BCHE: variants seen among roughly 807,000 people sequenced by gnomAD.
The protein encoded by BCHE is cholinesterase.
BCHE carries 48 observed loss-of-function variants against 51.3 expected under a neutral mutation model. The ratio of observed to expected loss-of-function variants is 0.94; its 90% CI spans 0.74 to 1.19. The LOEUF is 1.19. Among genes scored for constraint, BCHE ranks in the 50% most tolerant of loss-of-function variants. BCHE has a pLI of 0.00. For synonymous variants in BCHE, 251 were observed against 238.0 expected, an observed-to-expected ratio of 1.05 and a Z score of -0.50; for missense variants, 847 against 708.2, an observed-to-expected ratio of 1.20 and a Z score of -2.23.
intron 3 of BCHE, among the ~76,000 whole-genome samples, chr3:165,785,084 T>A (rs1213504603): frequency 6.6e-6 from 1 of 151,772 alleles, no homozygotes; most frequent in Non-Finnish European, 1.5e-5. Context: ...TAATTATAAT[T>A]TTTGTGAGTA....
At chr3:165,804,842 A>G (rs771778071) in intron 2 of BCHE, among the ~76,000 whole-genome samples, 9 of 152,230 alleles carry the variant, frequency 5.9e-5, no homozygotes, top group African/African-American at 9.6e-5. Context: ...GTTTATATCC[A>G]GACACATTAA....
At chr3:165,800,383 C>A (rs1284923734) in intron 2 of BCHE, among the ~76,000 whole-genome samples, 1 of 151,948 alleles carries the variant, frequency 6.6e-6, no homozygotes, top group African/African-American at 2.4e-5. Flanking sequence ...GCATTCAGGC[C>A]CTACTAGAAT....
chr3:165,800,310 A>G (rs1713588219), intron 2 of BCHE, among the ~76,000 whole-genome samples: 1 of 152,136 alleles, frequency 6.6e-6, no homozygotes, highest in Admixed American at 6.5e-5. Flanking sequence ...CACAATCTGG[A>G]CAAGGTCATT....
chr3:165,801,914 T>TG lies in BCHE; in HGVS notation c.1518-15604dup, dbSNP rs199524511. 1.4e-4 allele frequency among the ~76,000 whole-genome samples: 22 copies of TG among 152,316 alleles called. No homozygotes were observed. In the East Asian group the frequency reaches 4.3e-3, roughly 29 times the overall value. Reference sequence around the variant, plus strand: ...CATTCTTTCATCCACAATATCTTGCTGGGGTCTAGTCATAATATTACACAC... The same window carrying TG: ...CATTCTTTCATCCACAATATCTTGCTGGGGGTCTAGTCATAATATTACACAC... On this transcript the variant is annotated intron_variant, in intron 2 of 3. Transcript: ENST00000264381.
At chr3:165,805,299 G>T (rs969352379) in intron 2 of BCHE, among the ~76,000 whole-genome samples, 1 of 152,274 alleles carries the variant, frequency 6.6e-6, no homozygotes, top group African/African-American at 2.4e-5. Flanking sequence ...TTCACGATCA[G>T]TCAGGCATCA....
chr3:165,821,208 C>G (rs1210772113), intron 2 of BCHE, among the ~76,000 whole-genome samples: 1 of 151,432 alleles, frequency 6.6e-6, no homozygotes, highest in African/African-American at 2.4e-5. Flanking sequence ...TGGTAAAGTT[C>G]TATAATATTT....
At chr3:165,808,107 C>T (rs1477900744) in intron 2 of BCHE, among the ~76,000 whole-genome samples, 1 of 152,004 alleles carries the variant, frequency 6.6e-6, no homozygotes, top group African/African-American at 2.4e-5. Flanking sequence ...TCTCAGCCTC[C>T]CGAGTAGCTG....
chr3:165,803,653 A>T (rs113409312), intron 2 of BCHE, among the ~76,000 whole-genome samples: 8,051 of 152,280 alleles, frequency 0.053, 283 homozygotes, highest in Non-Finnish European at 0.079. Flanking sequence ...AGTTGACAGA[A>T]TTTACTGATT....
chr3:165,779,266 A>T (rs1712590622), intron 3 of BCHE, among the ~76,000 whole-genome samples: 1 of 152,190 alleles, frequency 6.6e-6, no homozygotes, highest in Non-Finnish European at 1.5e-5. Context: ...TATTGATGGA[A>T]CATATCTCAA....
intron 2 of BCHE, among the ~76,000 whole-genome samples, chr3:165,798,480 A>G (rs1713509242): frequency 6.6e-6 from 1 of 152,174 alleles, no homozygotes; most frequent in South Asian, 2.1e-4. Flanking sequence ...AACATTCACT[A>G]TAATTCTTTG....
intron 3 of BCHE, among the ~76,000 whole-genome samples, chr3:165,784,386 A>C (rs1176881760): frequency 6.6e-6 from 1 of 151,972 alleles, no homozygotes; most frequent in Non-Finnish European, 1.5e-5. Flanking sequence ...CATTTACTTC[A>C]AAATTATAAA....
At chr3:165,799,451 G>A (rs554006457) in intron 2 of BCHE, among the ~76,000 whole-genome samples, 2 of 152,128 alleles carry the variant, frequency 1.3e-5, no homozygotes, top group East Asian at 3.9e-4. Context: ...AATGAATTTA[G>A]TGAAGCTAAA....
In BCHE at chr3:165,773,283, A is replaced by G; in HGVS notation, c.*99T>C. 1.7e-6 allele frequency: 2 copies of G among 1,172,348 alleles called. No individual in the cohort carries two copies. Among genetic ancestry groups the G allele is most frequent in the Non-Finnish European group, 2.4e-6 (2 of 820,180 alleles). The allele number at this position is 1,172,348 out of a possible 1,614,324, so 72.6% of individuals were successfully genotyped here. A position where few individuals can be genotyped will look rare whatever the true frequency, so the allele number is the denominator to read the frequency against. On this transcript the variant is annotated 3_prime_UTR_variant, in exon 4 of 4. Transcript: ENST00000264381. ...ATTATCCTTCTGGCATTTTTGTTTC[A>G]GCTACATAATAACTTTTTTAGTAGG... is the stretch of plus-strand genomic sequence containing the variant.
chr3:165,780,839 G>T (rs1712668452), intron 3 of BCHE, among the ~76,000 whole-genome samples: 1 of 152,140 alleles, frequency 6.6e-6, no homozygotes, highest in South Asian at 2.1e-4. Context: ...CAACCATTGT[G>T]GAAGACAGTG....
chr3:165,806,969 CA>C (rs769117948), intron 2 of BCHE, among the ~76,000 whole-genome samples: 4 of 152,044 alleles, frequency 2.6e-5, no homozygotes, highest in Non-Finnish European at 4.4e-5. Context: ...TAAATAAATA[CA>C]ATCAAAATCT....
chr3:165,783,326 CTT>C (rs772303780), intron 3 of BCHE, among the ~76,000 whole-genome samples: 3 of 152,034 alleles, frequency 2.0e-5, no homozygotes, highest in Non-Finnish European at 4.4e-5. Flanking sequence ...TTTGTGAAGA[CTT>C]CATGTAGTTT....
At chr3:165,778,449 C>A (rs1230989976) in intron 3 of BCHE, 1 of 207,376 alleles carries the variant, frequency 4.8e-6, no homozygotes, top group Non-Finnish European at 1.1e-5. Context: ...AATCAATAAC[C>A]AGAACATATC....
chr3:165,809,849 G>A (rs1225924783), intron 2 of BCHE, among the ~76,000 whole-genome samples: 1 of 152,012 alleles, frequency 6.6e-6, no homozygotes, highest in Non-Finnish European at 1.5e-5. Flanking sequence ...GTACATCATT[G>A]TCTTAGTTAA....
At chr3:165,773,623 T>G in intron 3 of BCHE, 117 bp from the exon 4 acceptor site, 1 of 759,044 alleles carries the variant, frequency 1.3e-6, no homozygotes, top group South Asian at 2.1e-5. Context: ...ATTATTTTCT[T>G]TATTTATTCT....
Sources: allele counts gnomAD v4.1 joint callset (sites outside exome capture counted in the v4.1 genomes callset), GRCh38; gene constraint gnomAD v4.1.1; transcripts MANE v1.5; gene names NCBI Gene and HGNC (gene_info 2026-07-23, HGNC 2026-07-21).